PPARGC1A: variants seen among roughly 807,000 people sequenced by gnomAD.
PPARGC1A encodes the protein PPARG coactivator 1 alpha.
A neutral mutation model predicts 88.7 loss-of-function variants in PPARGC1A; 25 were observed. The observed-to-expected ratio is 0.28, with a 90% CI of 0.21 to 0.39. The LOEUF (loss-of-function observed/expected upper bound fraction) is 0.39. Among genes scored for constraint, PPARGC1A ranks in the 10% least tolerant of loss-of-function variants. The probability of loss-of-function intolerance (pLI) is 1.00; values close to 1 mark genes in which losing one functional copy is unlikely to be tolerated. For missense variants in PPARGC1A, 880 were observed against 968.7 expected (o/e 0.91, Z 1.22); for synonymous variants, 363 against 355.6 (o/e 1.02, Z -0.24).
chr4:23,927,029 T>C, the PPARGC1A span, among the ~76,000 whole-genome samples: 7 of 152,354 alleles, frequency 4.6e-5, no homozygotes, highest in African/African-American at 9.6e-5. Context: ...AATAAATCCA[T>C]TGTAAGTCAT....
the PPARGC1A span, among the ~76,000 whole-genome samples, chr4:23,960,623 A>G: frequency 1.3e-5 from 2 of 152,112 alleles, no homozygotes; most frequent in African/African-American, 4.8e-5. Flanking sequence ...ACTACAAGGA[A>G]AATGGCGAAA....
chr4:23,974,574 A>G, the PPARGC1A span, among the ~76,000 whole-genome samples: 4 of 152,102 alleles, frequency 2.6e-5, no homozygotes, highest in East Asian at 1.9e-4. Flanking sequence ...AGGAAATTAC[A>G]TAATTAGTAG....
At chr4:23,885,232 C>G (rs1421602324) in intron 1 of PPARGC1A, among the ~76,000 whole-genome samples, 1 of 152,190 alleles carries the variant, frequency 6.6e-6, no homozygotes, top group Admixed American at 6.5e-5. Flanking sequence ...TTTTGGACCT[C>G]TTTGTACAAA....
At chr4:24,382,466 C>T in the PPARGC1A span, among the ~76,000 whole-genome samples, 1 of 152,114 alleles carries the variant, frequency 6.6e-6, no homozygotes, top group Admixed American at 6.6e-5. Flanking sequence ...GGAGGGAGAA[C>T]AACTGGGGAC....
At chr4:24,020,317 G>A in the PPARGC1A span, among the ~76,000 whole-genome samples, 2 of 152,094 alleles carry the variant, frequency 1.3e-5, no homozygotes, top group Non-Finnish European at 2.9e-5. Flanking sequence ...GGCTCAATAC[G>A]GCACTGGCAA....
At chr4:24,418,016 A>T in the PPARGC1A span, among the ~76,000 whole-genome samples, 1 of 151,666 alleles carries the variant, frequency 6.6e-6, no homozygotes, top group South Asian at 2.1e-4. Flanking sequence ...TTATATATAC[A>T]TAAAAATAAT....
At chr4:23,961,659 T>C in the PPARGC1A span, among the ~76,000 whole-genome samples, 1 of 152,066 alleles carries the variant, frequency 6.6e-6, no homozygotes, top group African/African-American at 2.4e-5. Context: ...CCTGTGGTAA[T>C]TGGGACAGGT....
At position 23,809,460 on chromosome 4, in the gene PPARGC1A, C is replaced by T. The variant is rs142738282; in HGVS notation, c.2019+3287G>A. ...CTTGTGTCTCAGTGTTCCAATTAAA[C>T]GACTAGTAGTTTCTCAATATACCTT... On this transcript the variant is annotated intron_variant, in intron 10 of 12. Coordinates refer to ENST00000264867, the MANE Select transcript of PPARGC1A (RefSeq NM_013261.5). Among the ~76,000 whole-genome samples, 15 of 152,206 alleles carry T rather than the reference C, an allele frequency of 9.9e-5. No homozygotes were observed. In the South Asian group the frequency reaches 1.9e-3, roughly 19 times the overall value.
At chr4:23,866,498 C>A (rs1165164539) in intron 2 of PPARGC1A, among the ~76,000 whole-genome samples, 1 of 152,210 alleles carries the variant, frequency 6.6e-6, no homozygotes, top group African/African-American at 2.4e-5. Flanking sequence ...GAAAAAAGCT[C>A]TTAACACAAG....
chr4:24,308,458 T>A, the PPARGC1A span, among the ~76,000 whole-genome samples: 1 of 152,168 alleles, frequency 6.6e-6, no homozygotes, highest in Non-Finnish European at 1.5e-5. Context: ...GCACAGATAT[T>A]TTTCAATGTA....
At chr4:23,875,369 C>T (rs1714483570) in intron 2 of PPARGC1A, among the ~76,000 whole-genome samples, 1 of 152,078 alleles carries the variant, frequency 6.6e-6, no homozygotes, top group African/African-American at 2.4e-5. Context: ...TCCTGGCTCT[C>T]TTCTGAAACA....
chr4:23,796,212 G>C (rs985793489), intron 12 of PPARGC1A, among the ~76,000 whole-genome samples: 17 of 151,988 alleles, frequency 1.1e-4, no homozygotes, highest in Non-Finnish European at 2.2e-4. Flanking sequence ...CCCTTCCCCC[G>C]ACACGTCAAA....
At chr4:24,278,503 T>C in the PPARGC1A span, among the ~76,000 whole-genome samples, 2 of 152,246 alleles carry the variant, frequency 1.3e-5, no homozygotes, top group African/African-American at 4.8e-5. Flanking sequence ...AAAGGTTATG[T>C]ACAACACTTA....
At chr4:24,075,163 A>G in the PPARGC1A span, among the ~76,000 whole-genome samples, 4 of 152,194 alleles carry the variant, frequency 2.6e-5, no homozygotes. Context: ...AGGGCTTGTC[A>G]TCATGTGTTT....
the PPARGC1A span, among the ~76,000 whole-genome samples, chr4:23,983,299 C>A: frequency 6.6e-6 from 1 of 152,116 alleles, no homozygotes; most frequent in Non-Finnish European, 1.5e-5. Flanking sequence ...AGTGTATGGT[C>A]AGCATTGCTT....
chr4:24,100,652 C>T, the PPARGC1A span, among the ~76,000 whole-genome samples: 1 of 152,124 alleles, frequency 6.6e-6, no homozygotes, highest in Admixed American at 6.5e-5. Flanking sequence ...CAATAGATAA[C>T]CTTGGAATTA....
chr4:24,223,614 A>C, the PPARGC1A span, among the ~76,000 whole-genome samples: 1 of 152,214 alleles, frequency 6.6e-6, no homozygotes, highest in Non-Finnish European at 1.5e-5. Flanking sequence ...GTATACATGT[A>C]AAGTGGTGAT....
At chr4:24,091,791 C>T in the PPARGC1A span, among the ~76,000 whole-genome samples, 2 of 152,072 alleles carry the variant, frequency 1.3e-5, no homozygotes, top group Non-Finnish European at 2.9e-5. Flanking sequence ...TTAGGAACAA[C>T]CAAGCTCCAG....
the PPARGC1A span, among the ~76,000 whole-genome samples, chr4:24,035,503 G>A: frequency 1.3e-5 from 2 of 151,850 alleles, no homozygotes; most frequent in South Asian, 2.1e-4. Context: ...CCGAGATCGC[G>A]CCATCACATT....
Sources: gnomAD v4.1 joint callset for allele counts (sites outside exome capture counted in the v4.1 genomes callset) on GRCh38, gnomAD v4.1.1 for gene constraint, MANE v1.5 for transcripts, NCBI Gene and HGNC (gene_info 2026-07-23, HGNC 2026-07-21) for gene names.